DMD: variants seen among roughly 807,000 people sequenced by gnomAD.
DMD encodes the protein mutant dystrophin.
In DMD, 63 loss-of-function variants were observed where a neutral mutation model predicts 330.1. That is an observed-to-expected ratio of 0.19 (90% CI 0.16 to 0.24). The LOEUF is 0.24. Among genes scored for constraint, DMD ranks in the 10% least tolerant of loss-of-function variants. The pLI is 1.00. For synonymous variants in DMD, 1,223 were observed against 959.8 expected, an observed-to-expected ratio of 1.27 and a Z score of -5.07; for missense variants, 3,344 against 2,684.1, an observed-to-expected ratio of 1.25 and a Z score of -5.43.
intron 63 of DMD, among the ~76,000 whole-genome samples, chrX:31,243,390 GA>G (rs1036758849): frequency 9.0e-6 from 1 of 111,218 alleles, no homozygotes; most frequent in Non-Finnish European, 1.9e-5. Context: ...TTATTTAGCT[GA>G]AAAAAAATTA....
chrX:32,634,204 T>C (rs1569352235), intron 11 of DMD, among the ~76,000 whole-genome samples: 1 of 111,941 alleles, frequency 8.9e-6, no homozygotes, highest in South Asian at 3.7e-4. Context: ...CAAGGCCACT[T>C]TGGCCAGCCT....
intron 63 of DMD, among the ~76,000 whole-genome samples, chrX:31,242,186 G>A (rs2048373080): frequency 2.0e-5 from 2 of 97,948 alleles, no homozygotes; most frequent in African/African-American, 7.5e-5. Context: ...AGCCCAGGAG[G>A]TTGTGGCACC....
chrX:32,665,428 C>T (rs762510317), intron 9 of DMD, among the ~76,000 whole-genome samples: 4 of 112,043 alleles, frequency 3.6e-5, no homozygotes, highest in Non-Finnish European at 7.5e-5. Flanking sequence ...CATGGAAGAA[C>T]CTGGTCTTCA....
intron 7 of DMD, among the ~76,000 whole-genome samples, chrX:32,751,683 G>GA (rs2148290816): frequency 8.9e-6 from 1 of 112,646 alleles, no homozygotes; most frequent in African/African-American, 3.2e-5. Context: ...AAGACAATGA[G>GA]AAAAATGTCT....
chrX:32,726,127 C>T lies in DMD; in HGVS notation c.650-26834G>A, dbSNP rs1328425888. On this transcript the variant is annotated intron_variant, in intron 7 of 78. Transcript: ENST00000357033. ...ATTACAGCTGAAGAATCTACGCAAT[C>T]TTAACTTTCTATGGAGGCAATGACA... is the stretch of plus-strand genomic sequence containing the variant. Among the ~76,000 whole-genome samples the T allele has an allele frequency of 2.7e-5, 3 of 111,331 alleles. No homozygotes were observed. In the East Asian group the frequency reaches 8.4e-4, roughly 31 times the overall value.
At chrX:31,909,619 G>C (rs2094523061) in intron 47 of DMD, among the ~76,000 whole-genome samples, 1 of 110,417 alleles carries the variant, frequency 9.1e-6, no homozygotes, top group Non-Finnish European at 1.9e-5. Context: ...ACAGCATTAA[G>C]AGAACCAATA....
intron 12 of DMD, among the ~76,000 whole-genome samples, chrX:32,604,068 C>A (rs2056461475): frequency 9.1e-6 from 1 of 110,490 alleles, no homozygotes; most frequent in African/African-American, 3.3e-5. Context: ...AGGCCAATAT[C>A]CCTGATGAAC....
At chrX:31,310,497 A>C (rs1051573869) in intron 62 of DMD, among the ~76,000 whole-genome samples, 4 of 109,513 alleles carry the variant, frequency 3.7e-5, no homozygotes, top group Non-Finnish European at 7.6e-5. Context: ...TTACATATTA[A>C]CACAGGGTGC....
At chrX:33,018,880 A>C (rs12863578) in intron 2 of DMD, among the ~76,000 whole-genome samples, 11,232 of 100,751 alleles carry the variant, frequency 0.11, 770 homozygotes, top group African/African-American at 0.25. Context: ...GTTATATTTT[A>C]TTTCACTTAG....
rs766400327 is a variant in DMD, at chrX:32,472,213, A to C, written c.2900T>G (p.Leu967Arg). The change falls in exon 22 of 79, where the codon CTT becomes CGT. Residue 967 changes from leucine to arginine, a missense_variant. Transcript: ENST00000357033. ...CATGATTTCATAGTCGGTGACACTAAGTTGAGGTATGGAGAGTTTGGTTTC... is the reference window on the plus strand; with the variant it reads ...CATGATTTCATAGTCGGTGACACTACGTTGAGGTATGGAGAGTTTGGTTTC... ...QSETKLSIPQ[L>R]SVTDYEIMEQ... The C allele has an allele frequency of 4.7e-5, 57 of 1,210,990 alleles. No homozygotes were observed. Among genetic ancestry groups the C allele is most frequent in the Non-Finnish European group, 6.4e-5 (57 of 894,972 alleles).
intron 13 of DMD, among the ~76,000 whole-genome samples, chrX:32,576,530 T>A (rs982689459): frequency 3.6e-5 from 4 of 110,756 alleles, no homozygotes; most frequent in East Asian, 2.8e-4. Flanking sequence ...ATTGACAGCA[T>A]GAAGACGCTG....
intron 45 of DMD, among the ~76,000 whole-genome samples, chrX:31,966,272 T>G (rs886593001): frequency 9.0e-6 from 1 of 110,896 alleles, no homozygotes; most frequent in African/African-American, 3.3e-5. Context: ...ATATTATTCA[T>G]AAAATATTAT....
intron 62 of DMD, among the ~76,000 whole-genome samples, chrX:31,316,839 G>A (rs2056053635): frequency 8.9e-6 from 1 of 111,915 alleles, no homozygotes; most frequent in Non-Finnish European, 1.9e-5. Context: ...GCTTTTGGCA[G>A]TGATTTCAAA....
intron 1 of DMD, among the ~76,000 whole-genome samples, chrX:33,090,151 G>A (rs183957168): frequency 9.4e-4 from 104 of 110,164 alleles, no homozygotes; most frequent in Admixed American, 3.0e-3. Flanking sequence ...AAATGGCTTC[G>A]GAGATACATG....
At chrX:33,262,620 A>C (rs763986454) in intron 1 of DMD, among the ~76,000 whole-genome samples, 36 of 111,311 alleles carry the variant, frequency 3.2e-4, no homozygotes, top group Non-Finnish European at 5.7e-4. Context: ...ACTAATGTAC[A>C]TACTAATCTA....
chrX:32,634,068 C>T (rs1006031795), intron 11 of DMD, among the ~76,000 whole-genome samples: 2 of 111,634 alleles, frequency 1.8e-5, no homozygotes, highest in East Asian at 2.8e-4. Context: ...TGGCACCCCA[C>T]CCAAAAGATA....
intron 55 of DMD, among the ~76,000 whole-genome samples, chrX:31,618,132 T>C (rs1284208354): frequency 1.8e-5 from 2 of 109,834 alleles, no homozygotes; most frequent in East Asian, 5.7e-4. Context: ...ACCATGCTTA[T>C]TATCTGGGTG....
intron 15 of DMD, among the ~76,000 whole-genome samples, chrX:32,570,996 T>A (rs1195078042): frequency 1.8e-5 from 2 of 111,826 alleles, no homozygotes; most frequent in East Asian, 5.6e-4. Context: ...AATATCCTCA[T>A]CTCAGATGCT....
At chrX:31,439,987 G>A (rs994718330) in intron 60 of DMD, among the ~76,000 whole-genome samples, 2 of 111,374 alleles carry the variant, frequency 1.8e-5, no homozygotes, top group Non-Finnish European at 3.8e-5. Context: ...AAACAAGTGT[G>A]ATTTCTAAGG....
Sources: allele counts gnomAD v4.1 joint callset (sites outside exome capture counted in the v4.1 genomes callset), GRCh38; gene constraint gnomAD v4.1.1; transcripts MANE v1.5; gene names NCBI Gene and HGNC (gene_info 2026-07-23, HGNC 2026-07-21).